MAP3K14: variants seen among roughly 807,000 people sequenced by gnomAD.
MAP3K14 encodes mitogen-activated protein kinase kinase kinase 14.
In MAP3K14, 16 loss-of-function variants were observed where a neutral mutation model predicts 99.2. The observed-to-expected ratio is 0.16, with a 90% CI of 0.11 to 0.24. MAP3K14 has a LOEUF of 0.24. Among genes scored for constraint, MAP3K14 ranks in the 10% least tolerant of loss-of-function variants. The probability of loss-of-function intolerance (pLI) is 1.00; values close to 1 mark genes in which losing one functional copy is unlikely to be tolerated. For synonymous variants in MAP3K14, 462 were observed against 492.4 expected, an observed-to-expected ratio of 0.94 and a Z score of 0.82; for missense variants, 784 against 1,208.7, an observed-to-expected ratio of 0.65 and a Z score of 5.21.
chr17:45,295,836 C>T (rs1331499458), intron 1 of MAP3K14, among the ~76,000 whole-genome samples: 1 of 152,102 alleles, frequency 6.6e-6, no homozygotes, highest in Non-Finnish European at 1.5e-5. Context: ...ATGTTCATTC[C>T]CTTGTCTGTC....
chr17:45,314,980 C>G (rs968249423), intron 1 of MAP3K14, among the ~76,000 whole-genome samples: 1 of 151,052 alleles, frequency 6.6e-6, no homozygotes, highest in African/African-American at 2.5e-5. Flanking sequence ...GATCTCTCAC[C>G]AGACCCTAGC....
rs546367865 is a variant in MAP3K14, at chr17:45,316,746, G to T, written c.-21+214C>A. On this transcript the variant is annotated intron_variant, in intron 1 of 15. Transcript: ENST00000344686. The stretch of plus-strand genomic sequence containing the variant: ...AGTGCGCGGCCTGGAGGCCCGGGGC[G>T]AGCGCGGCACCGGCAGCGCGTGCGA... 7.6e-3 allele frequency among the ~76,000 whole-genome samples: 1,155 copies of T among 151,826 alleles called. 16 individuals carry two copies. The highest frequency in any genetic ancestry group is 0.048 in the Middle Eastern group (14 of 292).
chr17:45,299,700 T>C (rs2044371746), intron 1 of MAP3K14, among the ~76,000 whole-genome samples: 1 of 152,230 alleles, frequency 6.6e-6, no homozygotes, highest in African/African-American at 2.4e-5. Context: ...TGAATAAGCA[T>C]TTCCCATTAA....
intron 4 of MAP3K14, 53 bp downstream of exon 4, chr17:45,287,101 C>A: frequency 6.2e-7 from 1 of 1,602,114 alleles, no homozygotes; most frequent in Non-Finnish European, 8.5e-7. Flanking sequence ...GGACAGGCTC[C>A]AATTTCAAGG....
chr17:45,278,783 G>A (rs1340728047), intron 6 of MAP3K14, among the ~76,000 whole-genome samples: 1 of 151,466 alleles, frequency 6.6e-6, no homozygotes, highest in Non-Finnish European at 1.5e-5. Context: ...GGGCTCAAGC[G>A]ATCCTCCCAT....
intron 1 of MAP3K14, among the ~76,000 whole-genome samples, chr17:45,311,436 CG>C (rs2044478160): frequency 6.6e-6 from 1 of 152,168 alleles, no homozygotes; most frequent in African/African-American, 2.4e-5. Context: ...TGACCATAAT[CG>C]GTCAAGTTCA....
At chr17:45,297,939 G>A (rs1406664449) in intron 1 of MAP3K14, among the ~76,000 whole-genome samples, 2 of 151,860 alleles carry the variant, frequency 1.3e-5, no homozygotes, top group Non-Finnish European at 2.9e-5. Context: ...GGCTGGTCTC[G>A]AACTCCTGAC....
intron 1 of MAP3K14, among the ~76,000 whole-genome samples, chr17:45,296,959 T>TA: frequency 1.3e-5 from 2 of 152,340 alleles, no homozygotes; most frequent in East Asian, 3.9e-4. Flanking sequence ...CTACCGTCCA[T>TA]AAATGTCTTC....
At chr17:45,293,509 C>T (rs1275136261) in intron 1 of MAP3K14, among the ~76,000 whole-genome samples, 1 of 152,222 alleles carries the variant, frequency 6.6e-6, no homozygotes, top group Non-Finnish European at 1.5e-5. Context: ...CGCTCAGAGA[C>T]TCCTTTGCAG....
intron 1 of MAP3K14, among the ~76,000 whole-genome samples, chr17:45,302,223 T>C (rs1017213084): frequency 1.3e-5 from 2 of 152,174 alleles, no homozygotes; most frequent in Non-Finnish European, 2.9e-5. Flanking sequence ...CTTCCCTCCA[T>C]TCCTATAAGG....
chr17:45,298,105 C>G (rs1055869391), intron 1 of MAP3K14, among the ~76,000 whole-genome samples: 1 of 152,144 alleles, frequency 6.6e-6, no homozygotes, highest in African/African-American at 2.4e-5. Flanking sequence ...TAAAAAGTAA[C>G]ATGATCCTTG....
At chr17:45,310,675 C>T (rs970911157) in intron 1 of MAP3K14, among the ~76,000 whole-genome samples, 9 of 152,104 alleles carry the variant, frequency 5.9e-5, no homozygotes, top group South Asian at 2.1e-4. Flanking sequence ...AGAAGAGCTT[C>T]GTGCACTGTG....
intron 6 of MAP3K14, among the ~76,000 whole-genome samples, chr17:45,284,327 C>T (rs980527501): frequency 1.6e-4 from 25 of 152,238 alleles, no homozygotes; most frequent in Admixed American, 1.2e-3. Context: ...GACTGTGGCA[C>T]GCCTGGCCAA....
chr17:45,276,766 G>T (rs934054215), intron 6 of MAP3K14, among the ~76,000 whole-genome samples: 1 of 150,216 alleles, frequency 6.7e-6, no homozygotes, highest in Non-Finnish European at 1.5e-5. Context: ...GCCTACCTTG[G>T]CCTCCCAAAG....
chr17:45,267,907 A>G lies in MAP3K14; in HGVS notation c.1973-148T>C. 1 of 665,890 alleles carries G rather than the reference A, an allele frequency of 1.5e-6. No individual in the cohort carries two copies. Among genetic ancestry groups the G allele is most frequent in the Non-Finnish European group, 2.6e-6 (1 of 388,166 alleles). The allele number at this position is 665,890 out of a possible 1,614,324, so 41.2% of individuals were successfully genotyped here. ...GGGCCACCATGGGAGGTGGCTCCAGAGGGCAGCATGGTGGTCTCCACAGGA... is the reference window on the plus strand; with the variant it reads ...GGGCCACCATGGGAGGTGGCTCCAGGGGGCAGCATGGTGGTCTCCACAGGA... On this transcript the variant is annotated intron_variant, in intron 11 of 15. Transcript: ENST00000344686. The surrounding 1 kb of genome is among the most constrained non-coding windows in gnomAD (Gnocchi z 5.1).
intron 1 of MAP3K14, among the ~76,000 whole-genome samples, chr17:45,307,172 C>T (rs745536452): frequency 3.3e-5 from 5 of 152,004 alleles, no homozygotes; most frequent in South Asian, 2.1e-4. Context: ...GCACAAGAAT[C>T]GCTTGAACCC....
rs571898629 is a variant in MAP3K14 at position 45,266,595 on chromosome 17, G to A, written c.2520C>T (p.Ser840=). 4.9e-5 allele frequency: 79 copies of A among 1,613,832 alleles called. No homozygotes were observed. Among genetic ancestry groups the A allele is most frequent in the African/African-American group, 1.9e-4 (14 of 75,042 alleles). The change falls in exon 14 of 16, where the codon TCC becomes TCT. Residue 840 remains serine, a synonymous_variant. Coordinates refer to ENST00000344686, the MANE Select transcript of MAP3K14 (RefSeq NM_003954.5). ...SWSSQAEARS[S]SWNMVLARGR... ...CCCGGGCCAGCACCATGTTCCAGCT[G>A]GAGCTTCGAGCCTCGGCCTGGCTGC...
intron 11 of MAP3K14, chr17:45,268,072 A>ACCACCG: frequency 3.4e-6 from 1 of 292,424 alleles, no homozygotes; most frequent in Non-Finnish European, 6.3e-6. Context: ...CAAGAAAGAG[A>ACCACCG]AGATTGAAAA....
In MAP3K14 at chr17:45,292,580, C is replaced by G. The variant is rs76547683; in HGVS notation, c.-20-1815G>C. ...CCTGTCTCTAAAAGAAAAAAAAAGT[C>G]TAAGGGGTGTTCTGACATCCAATTA... On this transcript the variant is annotated intron_variant, in intron 1 of 15. Transcript: ENST00000344686. Among the ~76,000 whole-genome samples the G allele has an allele frequency of 9.9e-5, 15 of 152,138 alleles. No individual in the cohort carries two copies. The East Asian group carries it at 2.3e-3, about 24-fold the overall frequency.
Sources: allele counts gnomAD v4.1 joint callset (sites outside exome capture counted in the v4.1 genomes callset), GRCh38; gene constraint gnomAD v4.1.1; non-coding constraint Gnocchi (gnomAD v3.1); transcripts MANE v1.5; gene names NCBI Gene and HGNC (gene_info 2026-07-23, HGNC 2026-07-21).